Variants in KIF5A observed in about 807,000 individuals in gnomAD.
The protein encoded by KIF5A is kinesin heavy chain isoform 5A.
Under a neutral mutation model 141.3 loss-of-function variants are expected in KIF5A, and 35 were observed. The observed-to-expected ratio is 0.25, with a 90% confidence interval of 0.19 to 0.33. The LOEUF is 0.33. Among genes scored for constraint, KIF5A ranks in the 10% least tolerant of loss-of-function variants. KIF5A has a pLI of 1.00. For synonymous variants in KIF5A, 448 were observed against 500.2 expected (o/e 0.90, Z 1.39); for missense variants, 861 against 1,314.3 (o/e 0.66, Z 5.33).
intron 13 of KIF5A, 63 bp from the exon 14 acceptor site, chr12:57,571,998 C>T: frequency 6.9e-7 from 1 of 1,446,484 alleles, no homozygotes; most frequent in Non-Finnish European, 9.6e-7. Flanking sequence ...CTTCCCAGAC[C>T]CAAGGCCATA....
Position 57,569,989 on chromosome 12 carries a change from G to A in KIF5A, c.1120G>A (p.Glu374Lys). The A allele has an allele frequency of 6.2e-7, 1 of 1,613,226 alleles. No individual in the cohort carries two copies. Among genetic ancestry groups the A allele is most frequent in the Non-Finnish European group, 8.5e-7 (1 of 1,179,322 alleles). Residue 374 changes from glutamate to lysine, a missense_variant and splice_region_variant, in exon 12 of 29, where the codon GAG (glutamate) becomes AAG (lysine). Transcript: ENST00000455537. ...EAELSRWRNG[E>K]NVPETERLAG... Reference sequence around the variant, plus strand: ...CACCTCGTCTTGCCCCTTTGCAGGAGAGAATGTGCCTGAGACAGAGCGCCT... The same window carrying A: ...CACCTCGTCTTGCCCCTTTGCAGGAAAGAATGTGCCTGAGACAGAGCGCCT...
chr12:57,572,001 A>G lies in KIF5A; in HGVS notation c.1363-60A>G. ...GTGGGGGCTCAGCTTCCCAGACCCA[A>G]GGCCATAGAAATGGTCACTGGCAGT... On this transcript the variant is annotated intron_variant, in intron 13 of 28. Transcript: ENST00000455537. The surrounding 1 kb of genome is among the most constrained non-coding windows in gnomAD (Gnocchi z 4.2). 2 of 1,459,242 alleles carry G rather than the reference A, an allele frequency of 1.4e-6. No homozygotes were observed. 90.4% of individuals were successfully genotyped at this position (1,459,242 alleles called of 1,614,324 possible).
rs748759066 is a variant in KIF5A at position 57,581,038 on chromosome 12, C to G, written c.2621C>G (p.Ala874Gly). 1 of 1,614,064 alleles carries G rather than the reference C, an allele frequency of 6.2e-7. No individual in the cohort carries two copies. The highest frequency in any genetic ancestry group is 1.7e-5 in the Admixed American group (1 of 59,992). ...RLRATAERVK[A>G]LEGALKEAKE... ...AGGGCTACGGCTGAGAGAGTTAAGG[C>G]CCTGGAGGGTGCACTGAAGGAGGCC... The change falls in exon 24 of 29, where the codon GCC (alanine) becomes GGC (glycine). Residue 874 changes from alanine (A) to glycine (G), a missense_variant. Coordinates refer to ENST00000455537, the MANE Select transcript of KIF5A (RefSeq NM_004984.4).
At chr12:57,580,315 A>G (rs1265284892) in intron 23 of KIF5A, among the ~76,000 whole-genome samples, 1 of 152,162 alleles carries the variant, frequency 6.6e-6, no homozygotes, top group Non-Finnish European at 1.5e-5. Context: ...GGGAGGGATA[A>G]CCCAGGAAGT....
At chr12:57,554,657 C>A (rs1311500136) in intron 1 of KIF5A, among the ~76,000 whole-genome samples, 2 of 152,164 alleles carry the variant, frequency 1.3e-5, no homozygotes, top group Non-Finnish European at 2.9e-5. Context: ...ATATATTTGG[C>A]TAACAGTTCT....
At chr12:57,569,458 C>G in intron 10 of KIF5A, 54 bp downstream of exon 10, 2 of 1,613,356 alleles carry the variant, frequency 1.2e-6, no homozygotes, top group Non-Finnish European at 1.7e-6. Context: ...CCATCCCAGC[C>G]TCTGCGGCTC....
At chr12:57,565,252 T>A (rs1565696793) in intron 6 of KIF5A, among the ~76,000 whole-genome samples, 1 of 151,154 alleles carries the variant, frequency 6.6e-6, no homozygotes, top group Non-Finnish European at 1.5e-5. Context: ...AAACCCCGTT[T>A]CTACTAAAAA....
Position 57,583,142 on chromosome 12 carries a change from A to G in KIF5A, c.3062A>G (p.Lys1021Arg), listed in dbSNP as rs1186511989. ...GGCTATGAGGCTGAGGACCAGGCCA[A>G]GCTTTTCCCTCTCCACCAAGAGACA... ...PCGYEAEDQAKLFPLHQETAA... is the reference protein window; with the variant it reads ...PCGYEAEDQARLFPLHQETAA... Residue 1021 changes from lysine to arginine, a missense_variant, in exon 28 of 29, where the codon AAG (lysine) becomes AGG (arginine). Physicochemically the swap from Lys to Arg is conservative, Grantham distance 26. Around this residue, in one of 5 missense-constraint regions of KIF5A, gnomAD observed 482 missense variants for 661.3 expected, o/e 0.73. Coordinates refer to ENST00000455537, the MANE Select transcript of KIF5A (RefSeq NM_004984.4). The G allele has an allele frequency of 3.7e-6, 6 of 1,613,870 alleles. No homozygotes were observed. Among genetic ancestry groups the G allele is most frequent in the Admixed American group, 3.3e-5 (2 of 59,988 alleles).
intron 5 of KIF5A, 131 bp from the exon 6 acceptor site, chr12:57,564,787 G>T: frequency 1.1e-6 from 1 of 891,886 alleles, no homozygotes; most frequent in Non-Finnish European, 1.8e-6. Context: ...AGCTCGTGCA[G>T]GGAGTTTAGG....
At chr12:57,551,890 CT>C in intron 1 of KIF5A, among the ~76,000 whole-genome samples, 1 of 152,076 alleles carries the variant, frequency 6.6e-6, no homozygotes, top group African/African-American at 2.4e-5. Context: ...CTCTCTCTCT[CT>C]CTCTCTCTCT....
chr12:57,570,205 T>G, intron 12 of KIF5A, 43 bp downstream of exon 12: 1 of 1,595,730 alleles, frequency 6.3e-7, no homozygotes, highest in Non-Finnish European at 8.6e-7. Flanking sequence ...CCAGGTGGGA[T>G]GAGAGGTAGA....
rs140281678 is a variant in KIF5A at position 57,576,834 on chromosome 12, G to A, written c.2272G>A (p.Glu758Lys). The A allele has an allele frequency of 1.4e-3, 2,325 of 1,613,698 alleles. 3 individuals carry two copies. The highest frequency in any genetic ancestry group is 1.8e-3 in the Non-Finnish European group (2,162 of 1,179,772). Residue 758 changes from glutamate to lysine, a missense_variant, in exon 20 of 29, where the codon GAG (glutamate) becomes AAG (lysine). This residue lies in a region of KIF5A where 482 missense variants were observed against 661.3 expected (regional missense o/e 0.73). Transcript: ENST00000455537. ...CGAGAAGCTGAAGAGCGAAGAACAC[G>A]AGAAGAGCACCAAGCTGCAGGAGCT... is the stretch of plus-strand genomic sequence containing the variant. ...DYEKLKSEEH[E>K]KSTKLQELTF...
Position 57,569,525 on chromosome 12 carries a change from C to A in KIF5A, c.969-10C>A. On this transcript the variant is annotated splice_polypyrimidine_tract_variant and intron_variant, in intron 10 of 28. Coordinates refer to ENST00000455537, the MANE Select transcript of KIF5A (RefSeq NM_004984.4). ...GCTCTCATTTCTTTGTTCCTCTTCT[C>A]CTCACCCAGGGCAAAGACCATTAAG... The A allele has an allele frequency of 6.2e-7, 1 of 1,614,102 alleles. No homozygotes were observed. Among genetic ancestry groups the A allele is most frequent in the Non-Finnish European group, 8.5e-7 (1 of 1,180,028 alleles).
Position 57,567,202 on chromosome 12 carries a change from T to C in KIF5A, c.578T>C (p.Val193Ala). ...GATGAAGGGAAATCAAATCGTCATG[T>C]GGCTGTCACCAGTGAGTGAGGATAC... ...VIDEGKSNRH[V>A]AVTNMNEHSS... is the part of the protein sequence containing the mutation. Residue 193 changes from valine (V) to alanine (A), a missense_variant, in exon 7 of 29, where the codon GTG (valine) becomes GCG (alanine). By Grantham distance (64) the Val-to-Ala change is moderately conservative. Transcript: ENST00000455537. 6.2e-7 allele frequency: 1 copy of C among 1,612,236 alleles called. No homozygotes were observed. Among genetic ancestry groups the C allele is most frequent in the Non-Finnish European group, 8.5e-7 (1 of 1,178,516 alleles).
chr12:57,585,182 G>A lies in KIF5A; in HGVS notation c.*1001G>A, dbSNP rs1194677244. On this transcript the variant is annotated 3_prime_UTR_variant, in exon 29 of 29. Coordinates refer to ENST00000455537, the MANE Select transcript of KIF5A (RefSeq NM_004984.4). ...ATTTCTTTCTTGTTCCATACTGGGCGGCATGCTCCTCCCATCTCCACCCCT... is the reference window on the plus strand; with the variant it reads ...ATTTCTTTCTTGTTCCATACTGGGCAGCATGCTCCTCCCATCTCCACCCCT... 2 of 153,860 alleles carry A rather than the reference G, an allele frequency of 1.3e-5. No individual in the cohort carries two copies. 9.5% of individuals were successfully genotyped at this position (153,860 alleles called of 1,614,324 possible). A position where few individuals can be genotyped will look rare whatever the true frequency, so the allele number is the denominator to read the frequency against.
rs1882094717 is a variant in KIF5A at position 57,567,327 on chromosome 12, G to A, written c.589+114G>A. 2.4e-6 allele frequency: 3 copies of A among 1,244,762 alleles called. No homozygotes were observed. In the East Asian group the frequency reaches 7.1e-5, roughly 29 times the overall value. 77.1% of individuals were successfully genotyped at this position (1,244,762 alleles called of 1,614,324 possible). A position where few individuals can be genotyped will look rare whatever the true frequency, so the allele number is the denominator to read the frequency against. Reference sequence around the variant, plus strand: ...GGAAACTGTACCCCCCAGAGGAGGAGGACCCCTTGTCTGTGGGACCCTGCT... The same window carrying A: ...GGAAACTGTACCCCCCAGAGGAGGAAGACCCCTTGTCTGTGGGACCCTGCT... On this transcript the variant is annotated intron_variant, in intron 7 of 28. Coordinates refer to ENST00000455537, the MANE Select transcript of KIF5A (RefSeq NM_004984.4).
Position 57,581,915 on chromosome 12 carries a change from C to T in KIF5A, c.2955C>T (p.Gly985=), listed in dbSNP as rs202074843. The T allele has an allele frequency of 2.2e-5, 35 of 1,614,096 alleles. No individual in the cohort carries two copies. In the East Asian group the frequency reaches 5.1e-4, roughly 24 times the overall value. Residue 985 remains glycine (G), a synonymous_variant, in exon 26 of 29, where the codon GGC becomes GGT. Coordinates refer to ENST00000455537, the MANE Select transcript of KIF5A (RefSeq NM_004984.4). ...GCAGTGGAGCCACATCTTCTGGCGG[C>T]CCCTTGGCTTCCTACCAGAAGGCCA... The part of the protein sequence containing the change: ...CTSSGATSSG[G]PLASYQKANM...
chr12:57,555,366 G>T lies in KIF5A; in HGVS notation c.129+4966G>T, dbSNP rs1399291673. Among the ~76,000 whole-genome samples the T allele has an allele frequency of 2.0e-5, 3 of 152,004 alleles. No homozygotes were observed. The East Asian group carries it at 5.8e-4, about 29-fold the overall frequency. On this transcript the variant is annotated intron_variant, in intron 1 of 28. Transcript: ENST00000455537. ...GGTTAGCCCTGCTGTACAAGGAGCA[G>T]TAATGAAAAAAAAATCAGGCAAAAT... is the stretch of plus-strand genomic sequence containing the variant.
chr12:57,575,982 C>T, intron 17 of KIF5A, 105 bp from the exon 18 acceptor site: 1 of 1,097,430 alleles, frequency 9.1e-7, no homozygotes. Flanking sequence ...AGAAGAACAT[C>T]CCTGTGGGTC....
Sources: gnomAD v4.1 joint callset for allele counts (sites outside exome capture counted in the v4.1 genomes callset) on GRCh38, gnomAD v4.1.1 for gene constraint, gnomAD v4.1.1 regional missense constraint, Gnocchi (gnomAD v3.1) non-coding constraint, MANE v1.5 for transcripts, NCBI Gene and HGNC (gene_info 2026-07-23, HGNC 2026-07-21) for gene names.